The following WHRN variants were observed in gnomAD, a reference collection of about 807,000 sequenced individuals.
WHRN encodes CASK-interacting protein CIP98.
A neutral mutation model predicts 68.3 loss-of-function variants in WHRN; 41 were observed. The observed-to-expected ratio is 0.60, with a 90% CI of 0.47 to 0.78. The LOEUF (loss-of-function observed/expected upper bound fraction) is 0.78, where lower values mean the gene tolerates loss of function less well. WHRN is among the 30% of genes least tolerant of loss of function. The pLI, the probability that WHRN is intolerant of heterozygous loss-of-function variation, is 0.00. For synonymous variants in WHRN, 560 were observed against 561.3 expected (o/e 1.00, Z 0.03); for missense variants, 1,243 against 1,244.7 (o/e 1.00, Z 0.02).
At chr9:114,471,175 C>G (rs922430743) in intron 2 of WHRN, among the ~76,000 whole-genome samples, 2 of 152,064 alleles carry the variant, frequency 1.3e-5, no homozygotes, top group Non-Finnish European at 2.9e-5. Flanking sequence ...GCAGCCGGGC[C>G]CAGTGAAAAT....
At chr9:114,473,007 T>C (rs1325517801) in intron 2 of WHRN, among the ~76,000 whole-genome samples, 1 of 152,216 alleles carries the variant, frequency 6.6e-6, no homozygotes, top group Admixed American at 6.5e-5. Flanking sequence ...CCAAAGCCCC[T>C]GCTCCTTGTG....
chr9:114,406,252 T>G lies in WHRN; in HGVS notation c.2236+103A>C, dbSNP rs1835014497. On this transcript the variant is annotated intron_variant, in intron 9 of 11. Coordinates refer to ENST00000362057, the MANE Select transcript of WHRN (RefSeq NM_015404.4). Reference sequence around the variant, plus strand: ...TTCGCCACTCTGGCCCTGAGCCCCCTCAACAAGTAGCTGGTCCCCCCCTTC... The same window carrying G: ...TTCGCCACTCTGGCCCTGAGCCCCCGCAACAAGTAGCTGGTCCCCCCCTTC... 17 of 1,541,206 alleles carry G rather than the reference T, an allele frequency of 1.1e-5. No individual in the cohort carries two copies. The South Asian group carries it at 1.8e-4, about 16-fold the overall frequency.
intron 3 of WHRN, among the ~76,000 whole-genome samples, chr9:114,442,106 T>G (rs1204513621): frequency 3.3e-5 from 5 of 152,152 alleles, no homozygotes; most frequent in Non-Finnish European, 7.4e-5. Context: ...CCAGAATGTT[T>G]CAAAAATATC....
intron 1 of WHRN, among the ~76,000 whole-genome samples, chr9:114,486,810 C>T (rs575562256): frequency 1.2e-5 from 1 of 84,194 alleles, no homozygotes; most frequent in Admixed American, 1.4e-4. Flanking sequence ...CCCAGCTTCC[C>T]AGGCAAAAAA....
intron 3 of WHRN, among the ~76,000 whole-genome samples, chr9:114,453,288 C>G (rs1376218169): frequency 2.0e-5 from 3 of 152,076 alleles, no homozygotes; most frequent in Non-Finnish European, 4.4e-5. Flanking sequence ...CTCACATGAA[C>G]TAATAGAGCA....
intron 3 of WHRN, among the ~76,000 whole-genome samples, chr9:114,459,662 G>A (rs1220355457): frequency 3.9e-5 from 6 of 152,162 alleles, no homozygotes; most frequent in Admixed American, 3.9e-4. Context: ...CAATGAAGTC[G>A]ATATGGTCAG....
At chr9:114,487,731 G>T (rs1182957853) in intron 1 of WHRN, among the ~76,000 whole-genome samples, 1 of 152,136 alleles carries the variant, frequency 6.6e-6, no homozygotes, top group Non-Finnish European at 1.5e-5. Flanking sequence ...GTGTCCCCTG[G>T]GGCATGCCTT....
chr9:114,428,778 C>T (rs1295924592), intron 3 of WHRN, among the ~76,000 whole-genome samples: 13 of 151,986 alleles, frequency 8.6e-5, no homozygotes, highest in Non-Finnish European at 1.0e-4. Context: ...CTGCCTTTAC[C>T]CCCCTGAGCA....
Position 114,406,626 on chromosome 9 carries a change from G to A in WHRN, c.1965C>T (p.Ser655=), listed in dbSNP as rs780418034. Residue 655 remains serine (S), a synonymous_variant, in exon 9 of 12, where the codon TCC becomes TCT. Coordinates refer to ENST00000362057, the MANE Select transcript of WHRN (RefSeq NM_015404.4). The stretch of plus-strand genomic sequence containing the variant: ...GCCTCTTGGAGCTGGGGTTGGCAGG[G>A]GAGACGGAGGCATAGATGGGGGAAG... ...LPSSPIYASV[S]PANPSSKRPL... 5.5e-5 allele frequency: 89 copies of A among 1,611,730 alleles called. No homozygotes were observed. Among genetic ancestry groups the A allele is most frequent in the Non-Finnish European group, 7.3e-5 (86 of 1,178,354 alleles).
intron 7 of WHRN, among the ~76,000 whole-genome samples, chr9:114,417,456 C>T (rs968205159): frequency 1.3e-5 from 2 of 152,162 alleles, no homozygotes; most frequent in African/African-American, 2.4e-5. Flanking sequence ...TGCAAGTGGC[C>T]GGGGAGTGTG....
intron 1 of WHRN, among the ~76,000 whole-genome samples, chr9:114,486,123 T>C (rs1842455350): frequency 6.6e-6 from 1 of 152,222 alleles, no homozygotes. Context: ...ATTCCCTTCC[T>C]GAGGCTGCCA....
chr9:114,498,482 T>G (rs1204217871), intron 1 of WHRN, among the ~76,000 whole-genome samples: 2 of 152,176 alleles, frequency 1.3e-5, no homozygotes, highest in African/African-American at 4.8e-5. Flanking sequence ...TCATCTCTGA[T>G]GTCCAAGTAT....
At position 114,504,542 on chromosome 9, in the gene WHRN, T is replaced by C. The variant is rs1844230921; in HGVS notation, c.260A>G (p.Lys87Arg). 4 of 1,610,890 alleles carry C rather than the reference T, an allele frequency of 2.5e-6. No individual in the cohort carries two copies. In the East Asian group the frequency reaches 6.7e-5, roughly 27 times the overall value. ...TLRVLLDSPV[K>R]RRLLPMLRLV... Reference sequence around the variant, plus strand: ...ACGAAGCATGGGCAGCAGGCGCCGCTTGACCGGACTGTCCAGCAGCACGCG... The same window carrying C: ...ACGAAGCATGGGCAGCAGGCGCCGCCTGACCGGACTGTCCAGCAGCACGCG... Residue 87 changes from lysine (K) to arginine (R), a missense_variant, in exon 1 of 12, where the codon AAG (lysine) becomes AGG (arginine). Coordinates refer to ENST00000362057, the MANE Select transcript of WHRN (RefSeq NM_015404.4).
intron 3 of WHRN, among the ~76,000 whole-genome samples, chr9:114,436,029 C>G (rs1248314897): frequency 6.6e-6 from 1 of 152,138 alleles, no homozygotes; most frequent in Non-Finnish European, 1.5e-5. Context: ...CATCAACAAG[C>G]TTTTGTTAGA....
At chr9:114,491,978 C>T (rs1236608729) in intron 1 of WHRN, among the ~76,000 whole-genome samples, 2 of 148,342 alleles carry the variant, frequency 1.3e-5, no homozygotes, top group Admixed American at 6.8e-5. Context: ...ATTCCTGTGG[C>T]GCTCACCCCA....
intron 2 of WHRN, among the ~76,000 whole-genome samples, chr9:114,470,457 G>GA (rs1198108504): frequency 6.6e-6 from 1 of 152,176 alleles, no homozygotes; most frequent in Non-Finnish European, 1.5e-5. Context: ...AGGGTGCCAT[G>GA]AGCCAGGCTA....
chr9:114,496,544 A>T (rs1408217542), intron 1 of WHRN, among the ~76,000 whole-genome samples: 1 of 152,188 alleles, frequency 6.6e-6, no homozygotes, highest in Non-Finnish European at 1.5e-5. Flanking sequence ...CCAACCAAAC[A>T]AACAAACAAA....
At position 114,433,540 on chromosome 9, in the gene WHRN, C is replaced by T. The variant is rs145740083; in HGVS notation, c.964-7127G>A. On this transcript the variant is annotated intron_variant, in intron 3 of 11. Coordinates refer to ENST00000362057, the MANE Select transcript of WHRN (RefSeq NM_015404.4). ...CAAATTCTATTAAAGAGTTTTATTG[C>T]AATTATGAATCTTTAATAGTTTTCC... Among the ~76,000 whole-genome samples, 551 of 152,192 alleles carry T rather than the reference C, an allele frequency of 3.6e-3. 1 individual carries two copies. Among genetic ancestry groups the T allele is most frequent in the African/African-American group, 0.013 (529 of 41,498 alleles).
chr9:114,402,499 G>A lies in WHRN; in HGVS notation c.*255C>T. 2 of 557,626 alleles carry A rather than the reference G, an allele frequency of 3.6e-6. No individual in the cohort carries two copies. Among genetic ancestry groups the A allele is most frequent in the Non-Finnish European group, 6.4e-6 (2 of 310,424 alleles). The allele number at this position is 557,626 out of a possible 1,614,324, so 34.5% of individuals were successfully genotyped here. On this transcript the variant is annotated 3_prime_UTR_variant, in exon 12 of 12. Coordinates refer to ENST00000362057, the MANE Select transcript of WHRN (RefSeq NM_015404.4). The stretch of plus-strand genomic sequence containing the variant: ...CTGCCCTTCCTTTTCCTTTCTTCCT[G>A]TCTTGCAACCCACTTGTCCTGGGCG...
Sources: allele counts gnomAD v4.1 joint callset (sites outside exome capture counted in the v4.1 genomes callset), GRCh38; gene constraint gnomAD v4.1.1; transcripts MANE v1.5; gene names NCBI Gene and HGNC (gene_info 2026-07-23, HGNC 2026-07-21).